Variants in PPP2R2B observed in about 807,000 individuals in gnomAD.
The protein encoded by PPP2R2B is serine/threonine-protein phosphatase 2A 55 kDa regulatory subunit B beta isoform.
In PPP2R2B, 5 loss-of-function variants were observed where a neutral mutation model predicts 46.0. The ratio of observed to expected loss-of-function variants is 0.11; its 90% CI spans 0.06 to 0.23. The LOEUF (loss-of-function observed/expected upper bound fraction) is 0.23. Among genes scored for constraint, PPP2R2B ranks in the 10% least tolerant of loss-of-function variants. PPP2R2B has a pLI of 1.00. For synonymous variants in PPP2R2B, 215 were observed against 206.7 expected, an observed-to-expected ratio of 1.04 and a Z score of -0.34; for missense variants, 367 against 575.0, an observed-to-expected ratio of 0.64 and a Z score of 3.70.
At chr5:146,815,363 A>G (rs181707831) in intron 2 of PPP2R2B, among the ~76,000 whole-genome samples, 5 of 152,350 alleles carry the variant, frequency 3.3e-5, no homozygotes, top group South Asian at 2.1e-4. Context: ...CTTTCATTGT[A>G]TGCTTATTGA....
At chr5:147,057,437 G>T (rs1757123241), upstream of PPP2R2B, among the ~76,000 whole-genome samples, 1 of 152,172 alleles carries the variant, frequency 6.6e-6, no homozygotes, top group African/African-American at 2.4e-5. Context: ...CTAACCTCTG[G>T]CCAGCAGTGA....
chr5:146,689,303 T>C (rs1778691209), intron 5 of PPP2R2B, among the ~76,000 whole-genome samples: 1 of 152,180 alleles, frequency 6.6e-6, no homozygotes, highest in Non-Finnish European at 1.5e-5. Context: ...AGGCACAAGG[T>C]ATTCAAATAT....
At chr5:147,007,441 T>C (rs1465459298) in intron 1 of PPP2R2B, among the ~76,000 whole-genome samples, 1 of 152,118 alleles carries the variant, frequency 6.6e-6, no homozygotes, top group Non-Finnish European at 1.5e-5. Flanking sequence ...AATGCACCAA[T>C]CAGCACTCTG....
intron 2 of PPP2R2B, among the ~76,000 whole-genome samples, chr5:146,860,856 G>T (rs537201479): frequency 6.6e-6 from 1 of 152,192 alleles, no homozygotes; most frequent in South Asian, 2.1e-4. Flanking sequence ...GCTGAGATCA[G>T]AGATATAGTC....
chr5:146,772,578 C>A (rs1023834820), intron 2 of PPP2R2B, among the ~76,000 whole-genome samples: 29 of 151,764 alleles, frequency 1.9e-4, no homozygotes, highest in African/African-American at 7.0e-4. Context: ...TATAGGAATG[C>A]ATTTGTGAAT....
At chr5:146,861,600 C>T (rs1033303437) in intron 2 of PPP2R2B, among the ~76,000 whole-genome samples, 3 of 152,226 alleles carry the variant, frequency 2.0e-5, no homozygotes, top group African/African-American at 4.8e-5. Context: ...TTTCTCACCA[C>T]AATGGCAGCC....
At position 146,878,666 on chromosome 5, in the gene PPP2R2B, G is replaced by A. The variant is rs2151420727; in HGVS notation, c.-200C>T. 7.8e-7 allele frequency: 1 copy of A among 1,285,844 alleles called. No individual in the cohort carries two copies. The highest frequency in any genetic ancestry group is 2.5e-5 in the Admixed American group (1 of 39,680). The allele number at this position is 1,285,844 out of a possible 1,614,324, so 79.7% of individuals were successfully genotyped here. On this transcript the variant is annotated 5_prime_UTR_variant, in exon 1 of 10. Transcript: ENST00000394411. This position sits in a 1 kb window ranked among gnomAD's most constrained non-coding sequence, Gnocchi z 4.5. ...GGGGTAGGGAAGCTGGCGGGGAGCT[G>A]GGCAGGGCGCTGCAGCCGGCGCCAG...
At chr5:146,816,766 G>A (rs161025) in intron 2 of PPP2R2B, among the ~76,000 whole-genome samples, 54,653 of 151,992 alleles carry the variant, frequency 0.36, 10,584 homozygotes, top group East Asian at 0.61. Context: ...AGTTTTTAAA[G>A]TCAGAGACCC....
At chr5:147,078,441 T>C (rs991780150) in intron 2 of PPP2R2B, among the ~76,000 whole-genome samples, 1 of 152,120 alleles carries the variant, frequency 6.6e-6, no homozygotes, top group South Asian at 2.1e-4. Context: ...TCTAGACTTG[T>C]GGTGCCCAAA....
At chr5:146,673,516 A>G (rs1384392338) in intron 5 of PPP2R2B, among the ~76,000 whole-genome samples, 1 of 152,126 alleles carries the variant, frequency 6.6e-6, no homozygotes, top group Non-Finnish European at 1.5e-5. Context: ...AAATAGACAT[A>G]AAGTCTAATA....
At chr5:147,057,614 G>A (rs1332767406), upstream of PPP2R2B, among the ~76,000 whole-genome samples, 1 of 152,168 alleles carries the variant, frequency 6.6e-6, no homozygotes, top group Admixed American at 6.5e-5. Flanking sequence ...ATGTATTCTT[G>A]AAAGAAGTGA....
chr5:146,594,944 G>A (rs1293150955), intron 8 of PPP2R2B, among the ~76,000 whole-genome samples: 1 of 152,232 alleles, frequency 6.6e-6, no homozygotes, highest in African/African-American at 2.4e-5. Context: ...GACTCCAACA[G>A]TTCTGCTGGA....
At chr5:146,869,782 A>G (rs912495659) in intron 2 of PPP2R2B, among the ~76,000 whole-genome samples, 1 of 152,208 alleles carries the variant, frequency 6.6e-6, no homozygotes, top group Non-Finnish European at 1.5e-5. Context: ...ATAAAAACAT[A>G]AAGGCAGAGG....
chr5:146,676,517 CTCT>C (rs939400671), intron 5 of PPP2R2B, among the ~76,000 whole-genome samples: 10 of 152,104 alleles, frequency 6.6e-5, no homozygotes, highest in African/African-American at 2.4e-4. Flanking sequence ...CTTTCTGCTC[CTCT>C]TCTTACTTTC....
chr5:146,852,079 T>A (rs752091727), intron 2 of PPP2R2B, among the ~76,000 whole-genome samples: 3 of 151,702 alleles, frequency 2.0e-5, no homozygotes, highest in Non-Finnish European at 4.4e-5. Context: ...AAGAAAAAAA[T>A]TAAAATTAAA....
At chr5:146,875,130 T>C (rs1049442081) in intron 2 of PPP2R2B, among the ~76,000 whole-genome samples, 2 of 152,214 alleles carry the variant, frequency 1.3e-5, no homozygotes, top group African/African-American at 4.8e-5. Context: ...GGCAAATTAG[T>C]AACATCTTCA....
chr5:146,760,104 A>G (rs1754069038), intron 2 of PPP2R2B, among the ~76,000 whole-genome samples: 1 of 152,246 alleles, frequency 6.6e-6, no homozygotes, highest in Non-Finnish European at 1.5e-5. Flanking sequence ...CAAAGCATTT[A>G]GCACAGCATG....
At chr5:146,719,692 A>G (rs1158367042) in intron 2 of PPP2R2B, among the ~76,000 whole-genome samples, 1 of 152,176 alleles carries the variant, frequency 6.6e-6, no homozygotes, top group African/African-American at 2.4e-5. Context: ...AGAGGATACC[A>G]GTTGGAGTGG....
chr5:146,691,018 G>T (rs1460462076), intron 5 of PPP2R2B, 110 bp downstream of exon 5: 1 of 855,648 alleles, frequency 1.2e-6, no homozygotes, highest in Non-Finnish European at 1.8e-6. Flanking sequence ...CTCTGCCTAC[G>T]TTCCCTCACT....
Sources: gnomAD v4.1 joint callset for allele counts (sites outside exome capture counted in the v4.1 genomes callset) on GRCh38, gnomAD v4.1.1 for gene constraint, Gnocchi (gnomAD v3.1) non-coding constraint, MANE v1.5 for transcripts, NCBI Gene and HGNC (gene_info 2026-07-23, HGNC 2026-07-21) for gene names.